Variants in GAS7 observed in about 807,000 individuals in gnomAD.
GAS7 encodes the protein growth arrest specific 7, also known as growth arrest-specific protein 7.
In GAS7, 28 loss-of-function variants were observed where a neutral mutation model predicts 71.1. That is an observed-to-expected ratio of 0.39 (90% CI 0.29 to 0.54). The LOEUF (loss-of-function observed/expected upper bound fraction) is 0.54. Ranked by LOEUF, GAS7 falls within the 20% of genes least tolerant of loss-of-function variation. The pLI is 0.62. For missense variants in GAS7, 436 were observed against 627.8 expected, an observed-to-expected ratio of 0.69 and a Z score of 3.27; for synonymous variants, 258 against 245.8, an observed-to-expected ratio of 1.05 and a Z score of -0.46.
At chr17:10,128,664 C>A (rs372590934) in intron 1 of GAS7, among the ~76,000 whole-genome samples, 4 of 150,540 alleles carry the variant, frequency 2.7e-5, no homozygotes. Flanking sequence ...GAGTCACCCA[C>A]GCTGGAGTGC....
At chr17:10,136,806 G>T (rs1339103768) in intron 1 of GAS7, among the ~76,000 whole-genome samples, 1 of 152,130 alleles carries the variant, frequency 6.6e-6, no homozygotes, top group East Asian at 1.9e-4. Flanking sequence ...TCCATTATCT[G>T]ACCCTCTTTG....
rs1309376474 is a variant in GAS7 at position 9,956,171 on chromosome 17, C to T, written c.525+3031G>A. Among the ~76,000 whole-genome samples, 4 of 152,214 alleles carry T rather than the reference C, an allele frequency of 2.6e-5. No homozygotes were observed. The East Asian group carries it at 5.8e-4, about 22-fold the overall frequency. On this transcript the variant is annotated intron_variant, in intron 5 of 13. Transcript: ENST00000432992. ...GAACAGAGGCCACAGGCTTCTTGCACGGCCTGTTTGACCACCTTGCCTGCA... is the reference window on the plus strand; with the variant it reads ...GAACAGAGGCCACAGGCTTCTTGCATGGCCTGTTTGACCACCTTGCCTGCA...
At chr17:10,177,448 G>A (rs1022324593) in intron 1 of GAS7, among the ~76,000 whole-genome samples, 1 of 152,088 alleles carries the variant, frequency 6.6e-6, no homozygotes, top group African/African-American at 2.4e-5. Flanking sequence ...GAGATCAGGT[G>A]TGGAGAGGAT....
At chr17:9,985,829 G>A (rs3786089) in intron 2 of GAS7, among the ~76,000 whole-genome samples, 10,489 of 152,222 alleles carry the variant, frequency 0.069, 397 homozygotes, top group African/African-American at 0.11. Flanking sequence ...AGCTCCCCAC[G>A]GCGCTGCCGA....
intron 1 of GAS7, among the ~76,000 whole-genome samples, chr17:10,092,688 A>C (rs1472105479): frequency 6.6e-6 from 1 of 152,166 alleles, no homozygotes; most frequent in Non-Finnish European, 1.5e-5. Flanking sequence ...AGAAGTCCAA[A>C]ACCAAGTCAA....
intron 2 of GAS7, among the ~76,000 whole-genome samples, chr17:10,006,209 T>A (rs1208839396): frequency 2.6e-5 from 4 of 151,568 alleles, no homozygotes; most frequent in Admixed American, 6.6e-5. Flanking sequence ...CCTGAACTGC[T>A]GCACACGAGA....
intron 1 of GAS7, among the ~76,000 whole-genome samples, chr17:10,145,172 T>C (rs2074112271): frequency 6.6e-6 from 1 of 152,214 alleles, no homozygotes; most frequent in South Asian, 2.1e-4. Context: ...CGCCCTGGTG[T>C]CTGGGGCTGA....
At chr17:9,934,928 G>C (rs189411692) in intron 8 of GAS7, among the ~76,000 whole-genome samples, 3 of 152,286 alleles carry the variant, frequency 2.0e-5, no homozygotes, top group African/African-American at 7.2e-5. Flanking sequence ...TAGAGACGGG[G>C]TTTTGCCATG....
intron 1 of GAS7, among the ~76,000 whole-genome samples, chr17:10,153,594 T>A (rs1450232759): frequency 6.6e-6 from 1 of 151,510 alleles, no homozygotes; most frequent in African/African-American, 2.4e-5. Context: ...CCGTAAGAAA[T>A]GAGTAGAAGA....
intron 2 of GAS7, among the ~76,000 whole-genome samples, chr17:10,005,469 C>T (rs913237210): frequency 2.0e-5 from 3 of 150,862 alleles, no homozygotes; most frequent in Non-Finnish European, 2.9e-5. Context: ...GAACTAAACA[C>T]GGAAAACACA....
chr17:10,146,166 C>A (rs1330135062), intron 1 of GAS7, among the ~76,000 whole-genome samples: 2 of 152,214 alleles, frequency 1.3e-5, no homozygotes, highest in Non-Finnish European at 2.9e-5. Context: ...TGAACTTCCA[C>A]AGAACCAAGT....
chr17:9,917,428 G>T, intron 13 of GAS7, 87 bp from the exon 14 acceptor site: 3 of 914,722 alleles, frequency 3.3e-6, no homozygotes, highest in Non-Finnish European at 3.6e-6. Flanking sequence ...CCTCACCTTA[G>T]TGTCTCTGAG....
At chr17:10,005,196 T>C (rs916473384) in intron 2 of GAS7, among the ~76,000 whole-genome samples, 10 of 111,026 alleles carry the variant, frequency 9.0e-5, no homozygotes, top group African/African-American at 2.3e-4. Flanking sequence ...TGTGCACGCA[T>C]GCATGTGTGT....
chr17:10,156,118 T>C (rs2074203167), intron 1 of GAS7, among the ~76,000 whole-genome samples: 1 of 152,252 alleles, frequency 6.6e-6, no homozygotes, highest in Non-Finnish European at 1.5e-5. Flanking sequence ...GCTCCACCCA[T>C]CCTTAGCTCC....
chr17:10,138,156 C>T (rs1597813585), intron 1 of GAS7, among the ~76,000 whole-genome samples: 2 of 150,582 alleles, frequency 1.3e-5, no homozygotes, highest in East Asian at 2.1e-4. Context: ...TAGTAGAGAC[C>T]GGGTTTCACC....
At chr17:10,005,274 T>C (rs1461209592) in intron 2 of GAS7, among the ~76,000 whole-genome samples, 1 of 151,744 alleles carries the variant, frequency 6.6e-6, no homozygotes, top group Non-Finnish European at 1.5e-5. Context: ...CATGTATGTA[T>C]ATGTATATAC....
At chr17:9,918,186 T>C (rs772317572) in intron 12 of GAS7, 87 bp from the exon 13 acceptor site, 172 of 860,122 alleles carry the variant, frequency 2.0e-4, no homozygotes, top group Non-Finnish European at 3.0e-4. Flanking sequence ...CGCAAGTCAC[T>C]GGCTGTGGAC....
Position 9,959,599 on chromosome 17 carries a change from T to G in GAS7, c.472-344A>C, listed in dbSNP as rs982095882. 1 of 504,148 alleles carries G rather than the reference T, an allele frequency of 2.0e-6. No homozygotes were observed. Among genetic ancestry groups the G allele is most frequent in the Non-Finnish European group, 3.2e-6 (1 of 316,698 alleles). 31.2% of individuals were successfully genotyped at this position (504,148 alleles called of 1,614,324 possible). A position where few individuals can be genotyped will look rare whatever the true frequency, so the allele number is the denominator to read the frequency against. On this transcript the variant is annotated intron_variant, in intron 4 of 13. Coordinates refer to ENST00000432992, the MANE Select transcript of GAS7 (RefSeq NM_201433.2). This position sits in a 1 kb window ranked among gnomAD's most constrained non-coding sequence, Gnocchi z 5.0. ...AACGTTCCGCGTGCCGCTTGCTGCC[T>G]GAAGCCGCGGAATCCACTGGGGAGA...
At chr17:9,917,820 C>T (rs909384605) in intron 13 of GAS7, among the ~76,000 whole-genome samples, 181 bp downstream of exon 13, 9 of 152,236 alleles carry the variant, frequency 5.9e-5, no homozygotes, top group South Asian at 2.1e-4. Context: ...ATCACACAGA[C>T]GTCCAGGACA....
Sources: allele counts gnomAD v4.1 joint callset (sites outside exome capture counted in the v4.1 genomes callset), GRCh38; gene constraint gnomAD v4.1.1; non-coding constraint Gnocchi (gnomAD v3.1); transcripts MANE v1.5; gene names NCBI Gene and HGNC (gene_info 2026-07-23, HGNC 2026-07-21).